The following ACOX3 variants were observed in gnomAD, a reference collection of about 807,000 sequenced individuals.
ACOX3 encodes peroxisomal acyl-coenzyme A oxidase 3.
In ACOX3, 73 loss-of-function variants were observed where a neutral mutation model predicts 81.5. That is an observed-to-expected ratio of 0.90 (90% confidence interval 0.74 to 1.09). The LOEUF is 1.09. ACOX3 is among the 50% of genes least tolerant of loss of function. The pLI is 0.00. For synonymous variants in ACOX3, 387 were observed against 375.1 expected, an observed-to-expected ratio of 1.03 and a Z score of -0.37; for missense variants, 947 against 928.0, an observed-to-expected ratio of 1.02 and a Z score of -0.27.
downstream of ACOX3, among the ~76,000 whole-genome samples, chr4:8,362,868 T>TA (rs1715264201): frequency 6.6e-6 from 1 of 152,330 alleles, no homozygotes; most frequent in African/African-American, 2.4e-5. Flanking sequence ...AAAGCCAATT[T>TA]AAAAAGAGCT....
rs958334371 is a variant in ACOX3 at position 8,394,567 on chromosome 4, T to C, written c.1179+53A>G. ...GAAATGAAGGTTGAATCTATGCTGC[T>C]CCAACCGTGTGAGATTTAAACGATG... is the stretch of plus-strand genomic sequence containing the variant. On this transcript the variant is annotated intron_variant, in intron 10 of 17. Transcript: ENST00000356406. The surrounding 1 kb of genome is among the most constrained non-coding windows in gnomAD (Gnocchi z 5.9). 6 of 1,601,218 alleles carry C rather than the reference T, an allele frequency of 3.7e-6. No individual in the cohort carries two copies. Among genetic ancestry groups the C allele is most frequent in the Non-Finnish European group, 5.1e-6 (6 of 1,172,878 alleles).
At chr4:8,362,996 G>A (rs953260863), downstream of ACOX3, among the ~76,000 whole-genome samples, 4 of 152,230 alleles carry the variant, frequency 2.6e-5, no homozygotes, top group Admixed American at 2.0e-4. Flanking sequence ...ACTAGAGAGA[G>A]AAATTATGTT....
At chr4:8,418,729 G>A (rs879644138) in intron 1 of ACOX3, among the ~76,000 whole-genome samples, 24 of 150,572 alleles carry the variant, frequency 1.6e-4, no homozygotes, top group Non-Finnish European at 3.6e-4. Flanking sequence ...GCATGGTGGC[G>A]CATGCTTGTA....
chr4:8,395,383 C>G (rs969632424), intron 9 of ACOX3, among the ~76,000 whole-genome samples: 1 of 50,976 alleles, frequency 2.0e-5, no homozygotes, highest in African/African-American at 8.3e-5. Context: ...TGGGGGGATG[C>G]GTGGACAGGT....
intron 16 of ACOX3, among the ~76,000 whole-genome samples, chr4:8,372,700 G>C (rs1716373671): frequency 6.6e-6 from 1 of 152,238 alleles, no homozygotes; most frequent in East Asian, 1.9e-4. Context: ...CAGTCACAGG[G>C]ACGTTCCACT....
At chr4:8,396,598 A>G (rs1271691973) in intron 9 of ACOX3, among the ~76,000 whole-genome samples, 2 of 150,562 alleles carry the variant, frequency 1.3e-5, no homozygotes, top group Admixed American at 6.7e-5. Flanking sequence ...AATCACTTGA[A>G]CCTGGGAGGC....
intron 16 of ACOX3, among the ~76,000 whole-genome samples, chr4:8,371,852 C>T (rs903168877): frequency 2.0e-5 from 3 of 152,264 alleles, no homozygotes; most frequent in African/African-American, 7.2e-5. Context: ...GGAGATGTTA[C>T]CGGCTTTGCG....
chr4:8,382,929 T>C lies in ACOX3; in HGVS notation c.1538-1322A>G, dbSNP rs1443421229. Among the ~76,000 whole-genome samples the C allele has an allele frequency of 2.8e-5, 4 of 141,686 alleles. No homozygotes were observed. Among genetic ancestry groups the C allele is most frequent in the Admixed American group, 7.8e-5 (1 of 12,864 alleles). 93.0% of individuals were successfully genotyped at this position (141,686 alleles called of 152,430 possible). A position where few individuals can be genotyped will look rare whatever the true frequency, so the allele number is the denominator to read the frequency against. ...ATGGCGTGAACCCGGGAGGCGGAGT[T>C]GCAGTGAGCCGAGATCGCGCCACTG... On this transcript the variant is annotated intron_variant, in intron 13 of 17. Transcript: ENST00000356406. The surrounding 1 kb of genome is among the most constrained non-coding windows in gnomAD (Gnocchi z 4.1).
rs1718710041 is a variant in ACOX3 at position 8,389,550 on chromosome 4, G to A, written c.1423+62C>T. ...AGAACAGCTGAATCAGTGAGGCCAGGAGAACCCACCCCTGCCCCAGTTGGG... is the reference window on the plus strand; with the variant it reads ...AGAACAGCTGAATCAGTGAGGCCAGAAGAACCCACCCCTGCCCCAGTTGGG... On this transcript the variant is annotated intron_variant, in intron 12 of 17. Transcript: ENST00000356406. The surrounding 1 kb of genome is among the most constrained non-coding windows in gnomAD (Gnocchi z 5.3). 5 of 1,608,294 alleles carry A rather than the reference G, an allele frequency of 3.1e-6. No homozygotes were observed. The highest frequency in any genetic ancestry group is 3.4e-6 in the Non-Finnish European group (4 of 1,177,960).
intron 1 of ACOX3, among the ~76,000 whole-genome samples, chr4:8,417,007 G>A (rs931344497): frequency 4.6e-5 from 7 of 152,298 alleles, no homozygotes; most frequent in East Asian, 1.9e-4. Context: ...ACCCACCGCC[G>A]GTCCACCTGG....
chr4:8,438,386 G>C (rs1444804726), intron 1 of ACOX3, among the ~76,000 whole-genome samples: 1 of 152,168 alleles, frequency 6.6e-6, no homozygotes, highest in East Asian at 1.9e-4. Context: ...CACTCGAGCA[G>C]CTACTGAAAA....
chr4:8,387,729 A>G lies in ACOX3; in HGVS notation c.1537+1444T>C, dbSNP rs190498364. Among the ~76,000 whole-genome samples, 845 of 152,304 alleles carry G rather than the reference A, an allele frequency of 5.5e-3. 6 individuals are homozygous for G. The highest frequency in any genetic ancestry group is 0.019 in the African/African-American group (808 of 41,564). On this transcript the variant is annotated intron_variant, in intron 13 of 17. Coordinates refer to ENST00000356406, the MANE Select transcript of ACOX3 (RefSeq NM_003501.3). ...CCAGACCACTGGGCAAGAAGCATCC[A>G]GGAGCAGTAACGAGAGATCCCGAGC... is the stretch of plus-strand genomic sequence containing the variant.
chr4:8,429,603 G>A (rs1181021620), intron 1 of ACOX3, among the ~76,000 whole-genome samples: 1 of 152,226 alleles, frequency 6.6e-6, no homozygotes, highest in African/African-American at 2.4e-5. Context: ...GGGGCTGCCA[G>A]TGAAAGAGCG....
rs1321526123 is a variant in ACOX3, at chr4:8,416,605, G to C, written c.-14-70C>G. 8.2e-6 allele frequency: 12 copies of C among 1,462,474 alleles called. No individual in the cohort carries two copies. The highest frequency in any genetic ancestry group is 2.6e-5 in the Admixed American group (1 of 39,146). The allele number at this position is 1,462,474 out of a possible 1,614,324, so 90.6% of individuals were successfully genotyped here. ...GTTCAAACTACCCCCACCAACAGGA[G>C]AGCCCGCAACACCTTACAAATCAGA... On this transcript the variant is annotated intron_variant, in intron 1 of 17. Coordinates refer to ENST00000356406, the MANE Select transcript of ACOX3 (RefSeq NM_003501.3). The surrounding 1 kb of genome is among the most constrained non-coding windows in gnomAD (Gnocchi z 4.2).
chr4:8,406,208 C>G lies in ACOX3; in HGVS notation c.688-165G>C, dbSNP rs886661471. 6.6e-6 allele frequency among the ~76,000 whole-genome samples: 1 copy of G among 152,214 alleles called. No individual in the cohort carries two copies. The highest frequency in any genetic ancestry group is 2.4e-5 in the African/African-American group (1 of 41,444). ...TACATCCAAGTCCTAACCCCAGGAC[C>G]TGGGAATGGAAGCTTATTTGGAAAT... On this transcript the variant is annotated intron_variant, in intron 6 of 17. Coordinates refer to ENST00000356406, the MANE Select transcript of ACOX3 (RefSeq NM_003501.3). The surrounding 1 kb of genome is among the most constrained non-coding windows in gnomAD (Gnocchi z 5.6).
chr4:8,375,125 C>A lies in ACOX3; in HGVS notation c.1681G>T (p.Ala561Ser), dbSNP rs1027643065. ...QVSHGRPLAL[A>S]FVELTVVQRF... ...TGGACCACCGTGAGCTCCACGAAGG[C>A]CAGCGCCAACGGACGGCCGTGGGAC... Residue 561 changes from alanine to serine, a missense_variant, in exon 15 of 18, where the codon GCC becomes TCC. Physicochemically the swap from Ala to Ser is moderately conservative, Grantham distance 99. Transcript: ENST00000356406. 17 of 1,551,774 alleles carry A rather than the reference C, an allele frequency of 1.1e-5. No individual in the cohort carries two copies. Among genetic ancestry groups the A allele is most frequent in the Non-Finnish European group, 1.5e-5 (17 of 1,147,018 alleles).
At chr4:8,364,492 T>C (rs1190360595), downstream of ACOX3, among the ~76,000 whole-genome samples, 2 of 93,944 alleles carry the variant, frequency 2.1e-5, no homozygotes, top group Non-Finnish European at 4.8e-5. This position sits in a 1 kb window ranked among gnomAD's most constrained non-coding sequence, Gnocchi z 5.0. Flanking sequence ...TGAGAACCCG[T>C]CGTGTCTGAC....
rs1340644439 is a variant in ACOX3, at chr4:8,406,854, G to A, written c.688-811C>T. Among the ~76,000 whole-genome samples the A allele has an allele frequency of 6.6e-6, 1 of 152,222 alleles. No homozygotes were observed. The highest frequency in any genetic ancestry group is 1.5e-5 in the Non-Finnish European group (1 of 68,028). Reference sequence around the variant, plus strand: ...GTGGACTAGGAGCGTGACCACTGAAGCACGGCATCACAGGGAGACGGTTAG... The same window carrying A: ...GTGGACTAGGAGCGTGACCACTGAAACACGGCATCACAGGGAGACGGTTAG... On this transcript the variant is annotated intron_variant, in intron 6 of 17. Transcript: ENST00000356406. The surrounding 1 kb of genome is among the most constrained non-coding windows in gnomAD (Gnocchi z 5.6).
intron 14 of ACOX3, among the ~76,000 whole-genome samples, chr4:8,380,258 C>T (rs1008615695): frequency 3.4e-5 from 5 of 145,994 alleles, no homozygotes; most frequent in Admixed American, 6.9e-5. Context: ...GGTGCGATCT[C>T]GGCTCTCTGC....
Sources: allele counts gnomAD v4.1 joint callset (sites outside exome capture counted in the v4.1 genomes callset), GRCh38; gene constraint gnomAD v4.1.1; non-coding constraint Gnocchi (gnomAD v3.1); transcripts MANE v1.5; gene names NCBI Gene and HGNC (gene_info 2026-07-23, HGNC 2026-07-21).